Variants in PEBP4 observed in about 807,000 individuals in gnomAD.
PEBP4 encodes the protein phosphatidylethanolamine-binding protein 4.
PEBP4 carries 22 observed loss-of-function variants against 23.9 expected under a neutral mutation model. The observed-to-expected ratio is 0.92, with a 90% CI of 0.66 to 1.31. The LOEUF (loss-of-function observed/expected upper bound fraction) is 1.31, where lower values mean the gene tolerates loss of function less well. PEBP4 is among the 40% of genes most tolerant of loss of function. The pLI, the probability that PEBP4 is intolerant of heterozygous loss-of-function variation, is 0.00. For synonymous variants in PEBP4, 112 were observed against 99.3 expected, an observed-to-expected ratio of 1.13 and a Z score of -0.76; for missense variants, 324 against 281.7, an observed-to-expected ratio of 1.15 and a Z score of -1.07.
chr8:22,715,145 G>T (rs1268478652), intron 6 of PEBP4, among the ~76,000 whole-genome samples: 1 of 152,228 alleles, frequency 6.6e-6, no homozygotes, highest in Non-Finnish European at 1.5e-5. Context: ...GTGACTGCAT[G>T]CTCAGATGGG....
At chr8:22,907,376 G>A (rs928761362) in intron 3 of PEBP4, among the ~76,000 whole-genome samples, 1 of 152,192 alleles carries the variant, frequency 6.6e-6, no homozygotes, top group Non-Finnish European at 1.5e-5. Context: ...GCCAGGTGTG[G>A]TGGTGCACAC....
intron 4 of PEBP4, among the ~76,000 whole-genome samples, chr8:22,778,385 C>T (rs4871832): frequency 1.2e-3 from 169 of 146,228 alleles, no homozygotes; most frequent in East Asian, 5.7e-3. Flanking sequence ...AGAGCTTGAA[C>T]TTTTTTTTTT....
At chr8:22,851,242 A>T (rs1807542829) in intron 3 of PEBP4, among the ~76,000 whole-genome samples, 1 of 152,150 alleles carries the variant, frequency 6.6e-6, no homozygotes, top group Admixed American at 6.5e-5. Flanking sequence ...CTTCTGGAAG[A>T]CGGATGCGAA....
At chr8:22,815,648 G>A (rs765695804) in intron 4 of PEBP4, among the ~76,000 whole-genome samples, 3 of 152,190 alleles carry the variant, frequency 2.0e-5, no homozygotes, top group Non-Finnish European at 2.9e-5. Flanking sequence ...CGCCTCCTCC[G>A]GCCTGAGCGG....
chr8:22,728,543 CCTTTCTTTCTTTCTTT>C (rs142257916), intron 4 of PEBP4, among the ~76,000 whole-genome samples: 33 of 115,424 alleles, frequency 2.9e-4, no homozygotes, highest in South Asian at 9.2e-4. Flanking sequence ...TTTCTTCCTT[CCTTTCTTTCTTTCTTT>C]CTTCCTTCCT....
At chr8:22,737,713 AC>A (rs1158768414) in intron 4 of PEBP4, among the ~76,000 whole-genome samples, 1 of 152,202 alleles carries the variant, frequency 6.6e-6, no homozygotes, top group Non-Finnish European at 1.5e-5. Context: ...CAATGTCATT[AC>A]CAATCAGCTA....
At chr8:22,824,556 T>A (rs1806927236) in intron 3 of PEBP4, among the ~76,000 whole-genome samples, 1 of 152,222 alleles carries the variant, frequency 6.6e-6, no homozygotes, top group Admixed American at 6.5e-5. Flanking sequence ...GCACTTTATT[T>A]TTATTATTAT....
At chr8:22,739,903 G>C (rs1400166608) in intron 4 of PEBP4, among the ~76,000 whole-genome samples, 1 of 152,198 alleles carries the variant, frequency 6.6e-6, no homozygotes, top group Non-Finnish European at 1.5e-5. Flanking sequence ...GGGCTGGGGG[G>C]ATGGAGGGGG....
At position 22,713,257 on chromosome 8, in the gene PEBP4, A is replaced by G; in HGVS notation, c.*113T>C. 7.1e-7 allele frequency: 1 copy of G among 1,411,772 alleles called. No homozygotes were observed. Among genetic ancestry groups the G allele is most frequent in the Non-Finnish European group, 9.2e-7 (1 of 1,081,682 alleles). The allele number at this position is 1,411,772 out of a possible 1,614,324, so 87.5% of individuals were successfully genotyped here. A position where few individuals can be genotyped will look rare whatever the true frequency, so the allele number is the denominator to read the frequency against. On this transcript the variant is annotated 3_prime_UTR_variant, in exon 7 of 7. Transcript: ENST00000256404. The stretch of plus-strand genomic sequence containing the variant: ...TAGGATACAAAGCACCAAGCCCTGG[A>G]TGATTTTTTTTTTATTTGGAAAAGA...
At chr8:22,892,074 GAA>G (rs772606463) in intron 3 of PEBP4, among the ~76,000 whole-genome samples, 4 of 132,156 alleles carry the variant, frequency 3.0e-5, no homozygotes, top group Non-Finnish European at 1.6e-5. Context: ...CTCCGTCTCA[GAA>G]AAAAAAAAAA....
intron 2 of PEBP4, chr8:22,924,851 G>A (rs1809290506): frequency 3.0e-6 from 3 of 985,292 alleles, no homozygotes; most frequent in Non-Finnish European, 3.6e-6. Flanking sequence ...AAGCAGGGAA[G>A]GTCTGATTCC....
chr8:22,923,945 C>G (rs578228928), intron 2 of PEBP4, among the ~76,000 whole-genome samples: 61 of 152,152 alleles, frequency 4.0e-4, no homozygotes, highest in African/African-American at 1.5e-3. Context: ...TAGAAATGAC[C>G]TAGTCTAAGG....
intron 4 of PEBP4, among the ~76,000 whole-genome samples, chr8:22,784,538 C>T (rs939065891): frequency 5.9e-5 from 9 of 152,212 alleles, no homozygotes; most frequent in African/African-American, 1.9e-4. Flanking sequence ...GCCAACCTCC[C>T]GACCTCCCGT....
At chr8:22,778,906 C>T (rs1805865381) in intron 4 of PEBP4, among the ~76,000 whole-genome samples, 1 of 152,194 alleles carries the variant, frequency 6.6e-6, no homozygotes, top group Non-Finnish European at 1.5e-5. Context: ...CCAGGGCGGG[C>T]TCCTCTGTCA....
intron 3 of PEBP4, among the ~76,000 whole-genome samples, chr8:22,858,429 C>T (rs1055101754): frequency 1.3e-5 from 2 of 152,166 alleles, no homozygotes; most frequent in African/African-American, 4.8e-5. Context: ...AAGGAGCATA[C>T]AGAATATATC....
intron 4 of PEBP4, among the ~76,000 whole-genome samples, chr8:22,735,620 C>T (rs1375059736): frequency 6.6e-6 from 1 of 152,204 alleles, no homozygotes; most frequent in Non-Finnish European, 1.5e-5. Flanking sequence ...CCACAGATCC[C>T]AGGCAAGGCT....
upstream of PEBP4, among the ~76,000 whole-genome samples, chr8:22,928,225 C>T (rs532697980): frequency 9.2e-5 from 14 of 152,350 alleles, no homozygotes; most frequent in Non-Finnish European, 1.9e-4. Context: ...GGCCCCCATT[C>T]TTCCACCACC....
intron 3 of PEBP4, among the ~76,000 whole-genome samples, chr8:22,826,917 CATA>C (rs1353395053): frequency 6.6e-6 from 1 of 152,168 alleles, no homozygotes; most frequent in Admixed American, 6.5e-5. Flanking sequence ...GCAGCAGTCA[CATA>C]ATATTTTGGA....
At chr8:22,935,634 C>T (rs2313572) in intron 1 of PEBP4, among the ~76,000 whole-genome samples, 36,539 of 152,094 alleles carry the variant, frequency 0.24, 5,028 homozygotes, top group East Asian at 0.39. Flanking sequence ...AATCCTACAC[C>T]TGACCTCATG....
Sources: allele counts gnomAD v4.1 joint callset (sites outside exome capture counted in the v4.1 genomes callset), GRCh38; gene constraint gnomAD v4.1.1; transcripts MANE v1.5; gene names NCBI Gene and HGNC (gene_info 2026-07-23, HGNC 2026-07-21).